Variants in PAK2 observed in about 807,000 individuals in gnomAD.
PAK2 encodes the protein p21 (RAC1) activated kinase 2.
PAK2 carries 21 observed loss-of-function variants against 65.9 expected under a neutral mutation model. The ratio of observed to expected loss-of-function variants is 0.32; its 90% CI spans 0.23 to 0.46. The LOEUF is 0.46. Among genes scored for constraint, PAK2 ranks in the 20% least tolerant of loss-of-function variants. The pLI is 1.00. For synonymous variants in PAK2, 204 were observed against 219.7 expected, an observed-to-expected ratio of 0.93 and a Z score of 0.63; for missense variants, 324 against 642.6, an observed-to-expected ratio of 0.50 and a Z score of 5.36.
rs79463712 is a variant in PAK2, at chr3:196,810,688, G to A, written c.773+35G>A. The A allele has an allele frequency of 3.6e-5, 36 of 1,011,744 alleles. No individual in the cohort carries two copies. The African/African-American group carries it at 5.5e-4, about 16-fold the overall frequency. The allele number at this position is 1,011,744 out of a possible 1,614,324, so 62.7% of individuals were successfully genotyped here. A position where few individuals can be genotyped will look rare whatever the true frequency, so the allele number is the denominator to read the frequency against. The stretch of plus-strand genomic sequence containing the variant: ...TGTGACTGTATTACGATAATATTCA[G>A]TATTCAGTATTTCCTGGCTTTATAG... On this transcript the variant is annotated intron_variant, in intron 8 of 14. Coordinates refer to ENST00000327134, the MANE Select transcript of PAK2 (RefSeq NM_002577.4).
At chr3:196,815,823 TG>T (rs1357221422) in intron 11 of PAK2, among the ~76,000 whole-genome samples, 1 of 151,506 alleles carries the variant, frequency 6.6e-6, no homozygotes, top group Non-Finnish European at 1.5e-5. Context: ...CACTCAACCG[TG>T]GAAACTAGAA....
intron 1 of PAK2, among the ~76,000 whole-genome samples, chr3:196,780,345 C>T (rs1264820299): frequency 6.6e-6 from 1 of 152,230 alleles, no homozygotes; most frequent in Non-Finnish European, 1.5e-5. Flanking sequence ...TTTAATTGGA[C>T]TTACATTTCC....
Position 196,791,192 on chromosome 3 carries a change from G to T in PAK2, c.187+8359G>T, listed in dbSNP as rs558061966. On this transcript the variant is annotated intron_variant, in intron 2 of 14. Transcript: ENST00000327134. This position sits in a 1 kb window ranked among gnomAD's most constrained non-coding sequence, Gnocchi z 4.0. Reference sequence around the variant, plus strand: ...CTGTTGGTATAGCAATATCTTTCCAGCACATTGTTCAATTCCAGACATGCT... The same window carrying T: ...CTGTTGGTATAGCAATATCTTTCCATCACATTGTTCAATTCCAGACATGCT... Among the ~76,000 whole-genome samples, 3 of 152,256 alleles carry T rather than the reference G, an allele frequency of 2.0e-5. No homozygotes were observed. The highest frequency in any genetic ancestry group is 7.2e-5 in the African/African-American group (3 of 41,550).
chr3:196,746,813 T>TA (rs71621294), intron 1 of PAK2, among the ~76,000 whole-genome samples: 56,505 of 128,590 alleles, frequency 0.44, 12,834 homozygotes, highest in Non-Finnish European at 0.53. Flanking sequence ...TCTGTCTCAT[T>TA]AAAAAAAAAA....
intron 2 of PAK2, among the ~76,000 whole-genome samples, chr3:196,784,038 G>A (rs956906212): frequency 2.0e-5 from 3 of 152,134 alleles, no homozygotes; most frequent in Non-Finnish European, 4.4e-5. Context: ...CTTACTGGGT[G>A]TAGGGCAAAG....
rs113257726 is a variant in PAK2 at position 196,752,771 on chromosome 3, T to G, written c.-22+12614T>G. On this transcript the variant is annotated intron_variant, in intron 1 of 14. Transcript: ENST00000327134. ...GTGTACCACCACGCCTGGCTAATTT[T>G]TATATTTTTAGTAGAGACAGGGTTT... is the stretch of plus-strand genomic sequence containing the variant. Among the ~76,000 whole-genome samples, 1,157 of 151,838 alleles carry G rather than the reference T, an allele frequency of 7.6e-3. 18 individuals carry two copies. The highest frequency in any genetic ancestry group is 0.027 in the African/African-American group (1,107 of 41,366).
chr3:196,795,448 C>T (rs964750266), intron 2 of PAK2, among the ~76,000 whole-genome samples: 1 of 152,026 alleles, frequency 6.6e-6, no homozygotes, highest in African/African-American at 2.4e-5. Flanking sequence ...GCCTGGGTGT[C>T]AGAGCGAGAC....
At chr3:196,775,527 C>T (rs1333653633) in intron 1 of PAK2, among the ~76,000 whole-genome samples, 2 of 152,022 alleles carry the variant, frequency 1.3e-5, no homozygotes, top group East Asian at 3.9e-4. Flanking sequence ...GGACTACAGG[C>T]GCCCACCACC....
chr3:196,814,918 G>A (rs991066745), intron 11 of PAK2, among the ~76,000 whole-genome samples: 9 of 152,128 alleles, frequency 5.9e-5, no homozygotes, highest in East Asian at 5.8e-4. Flanking sequence ...GGTGGCTCAC[G>A]CCTGTAATCC....
At chr3:196,819,951 T>C (rs914528087) in intron 12 of PAK2, among the ~76,000 whole-genome samples, 2 of 152,274 alleles carry the variant, frequency 1.3e-5, no homozygotes, top group African/African-American at 4.8e-5. Context: ...AAGACCAGCC[T>C]AGGCAACACA....
intron 10 of PAK2, among the ~76,000 whole-genome samples, chr3:196,813,152 C>T (rs1203022661): frequency 6.6e-6 from 1 of 152,024 alleles, no homozygotes; most frequent in Non-Finnish European, 1.5e-5. Flanking sequence ...TCTTGACTGA[C>T]AGAGGGGACT....
At chr3:196,812,144 G>A in intron 8 of PAK2, 75 bp from the exon 9 acceptor site, 1 of 852,364 alleles carries the variant, frequency 1.2e-6, no homozygotes, top group South Asian at 1.3e-5. Flanking sequence ...ATTGCTTGAA[G>A]TGTAAAGTCT....
At chr3:196,750,764 A>AAAAACC (rs1713551886) in intron 1 of PAK2, among the ~76,000 whole-genome samples, 1 of 152,048 alleles carries the variant, frequency 6.6e-6, no homozygotes, top group African/African-American at 2.4e-5. Flanking sequence ...TTTAAAAAAA[A>AAAAACC]AAAAAACCAA....
chr3:196,805,898 A>C (rs955845434), intron 5 of PAK2, among the ~76,000 whole-genome samples: 3 of 150,202 alleles, frequency 2.0e-5, no homozygotes, highest in African/African-American at 7.3e-5. Flanking sequence ...ATTTTATTTT[A>C]TTTATTTATT....
At chr3:196,763,785 AG>A (rs754596676) in intron 1 of PAK2, among the ~76,000 whole-genome samples, 184 of 152,272 alleles carry the variant, frequency 1.2e-3, no homozygotes, top group Middle Eastern at 3.4e-3. Flanking sequence ...GTCTACAAAG[AG>A]ATCCAGTGTT....
chr3:196,822,102 C>T (rs1250228301), intron 13 of PAK2, among the ~76,000 whole-genome samples: 2 of 152,086 alleles, frequency 1.3e-5, no homozygotes, highest in Admixed American at 6.6e-5. Context: ...TTATGTGGGC[C>T]GTTAAAGTAC....
At chr3:196,793,032 C>T (rs745582840) in intron 2 of PAK2, among the ~76,000 whole-genome samples, 4 of 152,046 alleles carry the variant, frequency 2.6e-5, no homozygotes, top group Non-Finnish European at 4.4e-5. Context: ...TAGAGGCACA[C>T]GACACTGTGT....
chr3:196,805,349 C>A lies in PAK2; in HGVS notation c.437-3C>A. 1 of 1,417,442 alleles carries A rather than the reference C, an allele frequency of 7.1e-7. No individual in the cohort carries two copies. Among genetic ancestry groups the A allele is most frequent in the Admixed American group, 2.3e-5 (1 of 43,588 alleles). 87.8% of individuals were successfully genotyped at this position (1,417,442 alleles called of 1,614,324 possible). A position where few individuals can be genotyped will look rare whatever the true frequency, so the allele number is the denominator to read the frequency against. On this transcript the variant is annotated splice_region_variant and splice_polypyrimidine_tract_variant and intron_variant, in intron 4 of 14. Transcript: ENST00000327134. ...CTAATGTTATGTTTTGTTTCATATT[C>A]AGAGAAAGATGGCTTTCCTTCTGGA...
chr3:196,787,810 C>G (rs1714944691), intron 2 of PAK2, among the ~76,000 whole-genome samples: 3 of 152,166 alleles, frequency 2.0e-5, no homozygotes, highest in African/African-American at 7.2e-5. Flanking sequence ...CCTCCCTTTC[C>G]TCTTACACTT....
Sources: allele counts gnomAD v4.1 joint callset (sites outside exome capture counted in the v4.1 genomes callset), GRCh38; gene constraint gnomAD v4.1.1; non-coding constraint Gnocchi (gnomAD v3.1); transcripts MANE v1.5; gene names NCBI Gene and HGNC (gene_info 2026-07-23, HGNC 2026-07-21).